Variants in RTL4 observed in about 807,000 individuals in gnomAD.
The protein encoded by RTL4 is retrotransposon Gag like 4.
In RTL4, 4 loss-of-function variants were observed where a neutral mutation model predicts 5.3. The observed-to-expected ratio is 0.75, with a 90% CI of 0.37 to 1.72. The LOEUF (loss-of-function observed/expected upper bound fraction) is 1.72, where lower values mean the gene tolerates loss of function less well. Ranked by LOEUF, RTL4 falls within the 40% of genes most tolerant of loss-of-function variation. The pLI, the probability that RTL4 is intolerant of heterozygous loss-of-function variation, is 0.04. For missense variants in RTL4, 260 were observed against 227.1 expected (o/e 1.14, Z -0.93); for synonymous variants, 98 against 87.3 (o/e 1.12, Z -0.68).
chrX:112,129,027 G>T, the RTL4 span, among the ~76,000 whole-genome samples: 1 of 111,162 alleles, frequency 9.0e-6, no homozygotes, highest in Non-Finnish European at 1.9e-5. Context: ...GTAGTCAAAA[G>T]AATTGAATAG....
At chrX:112,152,719 T>C in the RTL4 span, among the ~76,000 whole-genome samples, 1 of 112,361 alleles carries the variant, frequency 8.9e-6, no homozygotes, top group Non-Finnish European at 1.9e-5. Context: ...AACAGGTTTA[T>C]ACTACCCTTT....
chrX:112,164,498 G>C, the RTL4 span, among the ~76,000 whole-genome samples: 2 of 112,163 alleles, frequency 1.8e-5, no homozygotes, highest in Non-Finnish European at 3.8e-5. Flanking sequence ...AGATGGAATA[G>C]GTAGCTCTGG....
At chrX:112,356,767 C>T in the RTL4 span, among the ~76,000 whole-genome samples, 5 of 111,581 alleles carry the variant, frequency 4.5e-5, no homozygotes, top group East Asian at 5.7e-4. Flanking sequence ...CTCTAGATGA[C>T]GTTATAGCTA....
At chrX:112,340,586 G>C in the RTL4 span, among the ~76,000 whole-genome samples, 1 of 106,244 alleles carries the variant, frequency 9.4e-6, no homozygotes, top group African/African-American at 3.5e-5. Context: ...TCTTTTCGGC[G>C]GGGGTGGGGA....
chrX:112,287,588 T>C, the RTL4 span, among the ~76,000 whole-genome samples: 5 of 111,636 alleles, frequency 4.5e-5, no homozygotes, highest in East Asian at 5.6e-4. Context: ...CTGTCTGTAC[T>C]CTCAAGGGGA....
At chrX:112,428,145 A>C in the RTL4 span, among the ~76,000 whole-genome samples, 1 of 111,482 alleles carries the variant, frequency 9.0e-6, no homozygotes, top group Non-Finnish European at 1.9e-5. Flanking sequence ...GTGTATATAT[A>C]CCACATTTTC....
chrX:112,166,870 A>C, the RTL4 span, among the ~76,000 whole-genome samples: 3 of 112,084 alleles, frequency 2.7e-5, no homozygotes, highest in Non-Finnish European at 5.6e-5. Flanking sequence ...ATATATTAAC[A>C]TAAATAACAT....
chrX:112,442,382 A>T, the RTL4 span, among the ~76,000 whole-genome samples: 1 of 107,576 alleles, frequency 9.3e-6, no homozygotes, highest in Non-Finnish European at 1.9e-5. Flanking sequence ...CTAGGATTAC[A>T]GGTGCCCACC....
chrX:112,132,196 C>G, the RTL4 span, among the ~76,000 whole-genome samples: 2 of 111,606 alleles, frequency 1.8e-5, no homozygotes, highest in Non-Finnish European at 3.8e-5. Context: ...CACAAAATAA[C>G]CTATCATCAT....
the RTL4 span, among the ~76,000 whole-genome samples, chrX:112,209,803 G>T: frequency 1.8e-5 from 2 of 111,699 alleles, no homozygotes; most frequent in Non-Finnish European, 3.8e-5. Flanking sequence ...GTGACTTGAT[G>T]ACCCATAGCC....
chrX:112,135,703 C>A, the RTL4 span, among the ~76,000 whole-genome samples: 1 of 110,178 alleles, frequency 9.1e-6, no homozygotes, highest in Non-Finnish European at 1.9e-5. Context: ...ATGTGAGATA[C>A]GGATTAAAGT....
At chrX:112,157,092 G>T in the RTL4 span, among the ~76,000 whole-genome samples, 1 of 109,679 alleles carries the variant, frequency 9.1e-6, no homozygotes, top group Non-Finnish European at 1.9e-5. Flanking sequence ...GTGTGTGTGT[G>T]TGTGTGTGTT....
the RTL4 span, among the ~76,000 whole-genome samples, chrX:112,115,570 T>C: frequency 9.0e-6 from 1 of 111,396 alleles, no homozygotes; most frequent in Non-Finnish European, 1.9e-5. Flanking sequence ...ATATCCTAGC[T>C]TTGGGAATAG....
At chrX:112,187,283 C>A in the RTL4 span, among the ~76,000 whole-genome samples, 2 of 112,068 alleles carry the variant, frequency 1.8e-5, no homozygotes, top group Non-Finnish European at 3.8e-5. Context: ...TTTCCTTCTG[C>A]GGCCTTGAGT....
At chrX:112,244,923 G>C in the RTL4 span, among the ~76,000 whole-genome samples, 2 of 111,797 alleles carry the variant, frequency 1.8e-5, no homozygotes, top group African/African-American at 6.5e-5. Context: ...TTGCTTGTCT[G>C]TAAAGGATTT....
At chrX:112,275,754 A>G in the RTL4 span, among the ~76,000 whole-genome samples, 1 of 110,633 alleles carries the variant, frequency 9.0e-6, no homozygotes, top group Non-Finnish European at 1.9e-5. Flanking sequence ...TGGACAACAG[A>G]GATACCCTTT....
At chrX:112,110,614 A>G in the RTL4 span, among the ~76,000 whole-genome samples, 1 of 111,935 alleles carries the variant, frequency 8.9e-6, no homozygotes, top group East Asian at 2.8e-4. Context: ...TGGGATTTCA[A>G]TTATTCTTTG....
the RTL4 span, among the ~76,000 whole-genome samples, chrX:112,135,852 T>C: frequency 9.3e-6 from 1 of 107,727 alleles, no homozygotes; most frequent in South Asian, 3.8e-4. Flanking sequence ...TATATACATA[T>C]ATTTATATAT....
chrX:112,436,386 T>C, the RTL4 span, among the ~76,000 whole-genome samples: 2 of 110,943 alleles, frequency 1.8e-5, no homozygotes, highest in East Asian at 5.7e-4. Context: ...TTCAAACTCC[T>C]TCTTACAATA....
Sources: gnomAD v4.1 joint callset for allele counts (sites outside exome capture counted in the v4.1 genomes callset) on GRCh38, gnomAD v4.1.1 for gene constraint, MANE v1.5 for transcripts, NCBI Gene and HGNC (gene_info 2026-07-23, HGNC 2026-07-21) for gene names.